HCN1: variants seen among roughly 807,000 people sequenced by gnomAD.
The protein encoded by HCN1 is potassium/sodium hyperpolarization-activated cyclic nucleotide-gated channel 1.
A neutral mutation model predicts 78.9 loss-of-function variants in HCN1; 13 were observed. The observed-to-expected ratio is 0.16, with a 90% CI of 0.11 to 0.26. HCN1 has a LOEUF of 0.26. HCN1 is among the 10% of genes least tolerant of loss of function. The pLI, the probability that HCN1 is intolerant of heterozygous loss-of-function variation, is 1.00. For synonymous variants in HCN1, 552 were observed against 455.5 expected (o/e 1.21, Z -2.70); for missense variants, 810 against 1,154.3 (o/e 0.70, Z 4.32).
At chr5:45,515,654 A>G (rs1742502781) in intron 2 of HCN1, among the ~76,000 whole-genome samples, 1 of 152,000 alleles carries the variant, frequency 6.6e-6, no homozygotes. Context: ...TACCATAAGA[A>G]AATGAGGCTA....
At chr5:45,686,412 A>T (rs1442659242) in intron 1 of HCN1, among the ~76,000 whole-genome samples, 1 of 152,196 alleles carries the variant, frequency 6.6e-6, no homozygotes, top group East Asian at 1.9e-4. Flanking sequence ...ACTATTCATT[A>T]GCTGCCAACT....
intron 2 of HCN1, among the ~76,000 whole-genome samples, chr5:45,618,903 G>A (rs528377556): frequency 1.3e-5 from 2 of 151,982 alleles, no homozygotes; most frequent in Non-Finnish European, 2.9e-5. Flanking sequence ...TGGGTTTGAA[G>A]CACCATGCAG....
intron 3 of HCN1, among the ~76,000 whole-genome samples, chr5:45,455,496 A>G (rs1741011307): frequency 6.6e-6 from 1 of 152,050 alleles, no homozygotes; most frequent in Non-Finnish European, 1.5e-5. Context: ...TTTAGTGCCT[A>G]GAATAATGTC....
At chr5:45,360,926 T>C (rs1009524060) in intron 4 of HCN1, among the ~76,000 whole-genome samples, 1 of 152,176 alleles carries the variant, frequency 6.6e-6, no homozygotes, top group Non-Finnish European at 1.5e-5. Flanking sequence ...GATTTTTCTA[T>C]GGAATAATGA....
rs1421636855 is a variant in HCN1, at chr5:45,260,474, A to G, written c.*1447T>C. ...CCCTGCTTTCTGTCACCATGTCTGTACTATTTTCAACACATTAAAAATGAC... is the reference window on the plus strand; with the variant it reads ...CCCTGCTTTCTGTCACCATGTCTGTGCTATTTTCAACACATTAAAAATGAC... On this transcript the variant is annotated 3_prime_UTR_variant, in exon 8 of 8. Coordinates refer to ENST00000303230, the MANE Select transcript of HCN1 (RefSeq NM_021072.4). 6.6e-6 allele frequency: 1 copy of G among 152,238 alleles called. No individual in the cohort carries two copies. The highest frequency in any genetic ancestry group is 1.5e-5 in the Non-Finnish European group (1 of 68,036). The allele number at this position is 152,238 out of a possible 1,614,324, so 9.4% of individuals were successfully genotyped here. A position where few individuals can be genotyped will look rare whatever the true frequency, so the allele number is the denominator to read the frequency against.
intron 3 of HCN1, among the ~76,000 whole-genome samples, chr5:45,399,979 G>A (rs1739759720): frequency 6.6e-6 from 1 of 152,042 alleles, no homozygotes; most frequent in South Asian, 2.1e-4. Flanking sequence ...CTTTATCAGT[G>A]AAAATGTATA....
At chr5:45,692,856 TAA>T (rs1237330253) in intron 1 of HCN1, among the ~76,000 whole-genome samples, 9 of 152,004 alleles carry the variant, frequency 5.9e-5, no homozygotes, top group Non-Finnish European at 1.2e-4. Flanking sequence ...TGCCCTGGAG[TAA>T]GAACATAGTA....
intron 2 of HCN1, among the ~76,000 whole-genome samples, chr5:45,479,615 A>G (rs755681289): frequency 2.6e-5 from 4 of 152,176 alleles, no homozygotes; most frequent in Non-Finnish European, 5.9e-5. Flanking sequence ...AGAAGGAAAG[A>G]GGCACAGTGG....
intron 2 of HCN1, among the ~76,000 whole-genome samples, chr5:45,550,650 A>T (rs192189056): frequency 7.9e-5 from 12 of 152,210 alleles, no homozygotes; most frequent in Admixed American, 2.6e-4. Flanking sequence ...TATAATTTTT[A>T]AAAAAAGGTA....
chr5:45,585,518 C>G (rs1744196186), intron 2 of HCN1, among the ~76,000 whole-genome samples: 1 of 152,100 alleles, frequency 6.6e-6, no homozygotes, highest in Non-Finnish European at 1.5e-5. Context: ...GAAGCCTTCT[C>G]TCAACTTATC....
At chr5:45,534,070 A>G (rs1288289416) in intron 2 of HCN1, among the ~76,000 whole-genome samples, 1 of 152,040 alleles carries the variant, frequency 6.6e-6, no homozygotes, top group Admixed American at 6.6e-5. Flanking sequence ...TCAGCCACCT[A>G]TTGATTACTA....
chr5:45,484,621 G>A (rs1227740142), intron 2 of HCN1, among the ~76,000 whole-genome samples: 1 of 152,106 alleles, frequency 6.6e-6, no homozygotes, highest in Non-Finnish European at 1.5e-5. Context: ...TGCCTCCACA[G>A]TCTAAGACTA....
rs900634469 is a variant in HCN1 at position 45,336,826 on chromosome 5, G to A, written c.1377+16274C>T. Among the ~76,000 whole-genome samples the A allele has an allele frequency of 3.3e-5, 5 of 151,906 alleles. No homozygotes were observed. In the East Asian group the frequency reaches 7.8e-4, roughly 24 times the overall value. On this transcript the variant is annotated intron_variant, in intron 5 of 7. Transcript: ENST00000303230. ...GCTTTTTGCTGTGTTCTCCTCATAT[G>A]GCAGAAGGGATCAGAGATCACTCTG...
At chr5:45,376,841 G>A (rs1372455266) in intron 4 of HCN1, among the ~76,000 whole-genome samples, 1 of 151,940 alleles carries the variant, frequency 6.6e-6, no homozygotes, top group Middle Eastern at 3.2e-3. Context: ...AAGGGAGCCA[G>A]TTAAAATCTT....
At chr5:45,549,819 CA>C (rs1444608956) in intron 2 of HCN1, among the ~76,000 whole-genome samples, 1 of 152,096 alleles carries the variant, frequency 6.6e-6, no homozygotes, top group Non-Finnish European at 1.5e-5. Context: ...CAAACAACCC[CA>C]TCAAAAAGTG....
chr5:45,481,961 GA>G (rs1741661809), intron 2 of HCN1, among the ~76,000 whole-genome samples: 7 of 117,570 alleles, frequency 6.0e-5, no homozygotes, highest in Non-Finnish European at 1.0e-4. Flanking sequence ...AATCCTAAAA[GA>G]AAAACAAACA....
intron 2 of HCN1, among the ~76,000 whole-genome samples, chr5:45,578,652 A>G (rs1743995748): frequency 6.6e-6 from 1 of 151,992 alleles, no homozygotes; most frequent in African/African-American, 2.4e-5. Context: ...CTTTACATTT[A>G]CTAACCCACT....
intron 6 of HCN1, among the ~76,000 whole-genome samples, chr5:45,291,943 GTTTAT>G (rs1409970316): frequency 4.6e-5 from 7 of 151,836 alleles, no homozygotes; most frequent in Non-Finnish European, 5.9e-5. Context: ...TTTGTTTATT[GTTTAT>G]TTTATGTCCT....
intron 2 of HCN1, among the ~76,000 whole-genome samples, chr5:45,557,519 T>C (rs1353523069): frequency 6.6e-6 from 1 of 152,138 alleles, no homozygotes; most frequent in Non-Finnish European, 1.5e-5. Context: ...TTATGGTGCA[T>C]GGCTTTATTG....
Sources: gnomAD v4.1 joint callset for allele counts (sites outside exome capture counted in the v4.1 genomes callset) on GRCh38, gnomAD v4.1.1 for gene constraint, MANE v1.5 for transcripts, NCBI Gene and HGNC (gene_info 2026-07-23, HGNC 2026-07-21) for gene names.